The following NPTXR variants were observed in gnomAD, a reference collection of about 807,000 sequenced individuals.
NPTXR encodes the protein neuronal pentraxin receptor.
Under a neutral mutation model 32.2 loss-of-function variants are expected in NPTXR, and 12 were observed. The observed-to-expected ratio is 0.37, with a 90% CI of 0.24 to 0.60. The LOEUF (loss-of-function observed/expected upper bound fraction) is 0.60. Ranked by LOEUF, NPTXR falls within the 20% of genes least tolerant of loss-of-function variation. NPTXR has a pLI of 0.66. For missense variants in NPTXR, 612 were observed against 682.9 expected (o/e 0.90, Z 1.16); for synonymous variants, 323 against 315.8 (o/e 1.02, Z -0.24).
rs2093092058 is a variant in NPTXR, at chr22:38,818,884, C to G, written c.*3725G>C. On this transcript the variant is annotated 3_prime_UTR_variant, in exon 5 of 5. Coordinates refer to ENST00000333039, the MANE Select transcript of NPTXR (RefSeq NM_014293.4). The surrounding 1 kb of genome is among the most constrained non-coding windows in gnomAD (Gnocchi z 4.5). ...CACACAAAGGAGGGGGGACTCAGTG[C>G]TGGGGAGAGGCTGCTGCGTCCTAGA... 6.6e-6 allele frequency: 1 copy of G among 152,580 alleles called. No homozygotes were observed. 9.5% of individuals were successfully genotyped at this position (152,580 alleles called of 1,614,324 possible). A position where few individuals can be genotyped will look rare whatever the true frequency, so the allele number is the denominator to read the frequency against.
chr22:38,843,423 C>T lies in NPTXR; in HGVS notation c.436G>A (p.Ala146Thr). The T allele has an allele frequency of 7.2e-7, 1 of 1,389,008 alleles. No individual in the cohort carries two copies. The allele number at this position is 1,389,008 out of a possible 1,614,324, so 86.0% of individuals were successfully genotyped here. A position where few individuals can be genotyped will look rare whatever the true frequency, so the allele number is the denominator to read the frequency against. ...AGCTCACGGATGGTGTCCTGGTCGGCGCGGATGCGCGCCTCCTGCTGCAGC... is the reference window on the plus strand; with the variant it reads ...AGCTCACGGATGGTGTCCTGGTCGGTGCGGATGCGCGCCTCCTGCTGCAGC... Residue 146 changes from alanine to threonine, a missense_variant, in exon 1 of 5, where the codon GCC becomes ACC. Coordinates refer to ENST00000333039, the MANE Select transcript of NPTXR (RefSeq NM_014293.4). The surrounding 1 kb of genome is among the most constrained non-coding windows in gnomAD (Gnocchi z 5.3).
At chr22:38,826,428 G>T in intron 3 of NPTXR, 72 bp downstream of exon 3, 1 of 1,508,172 alleles carries the variant, frequency 6.6e-7, no homozygotes, top group Non-Finnish European at 9.0e-7. Flanking sequence ...GAATGAAAGA[G>T]CCCAGTGTGG....
In NPTXR at chr22:38,822,447, G is replaced by A; in HGVS notation, c.*162C>T. On this transcript the variant is annotated 3_prime_UTR_variant, in exon 5 of 5. Transcript: ENST00000333039. ...GGACAGGGGACACACTCGCAGGGCA[G>A]GGCATTCTGGAGGTGTGGGTACAGG... 3.1e-6 allele frequency: 2 copies of A among 646,810 alleles called. No homozygotes were observed. The allele number at this position is 646,810 out of a possible 1,614,324, so 40.1% of individuals were successfully genotyped here. A position where few individuals can be genotyped will look rare whatever the true frequency, so the allele number is the denominator to read the frequency against.
chr22:38,826,392 T>C, intron 3 of NPTXR, 108 bp downstream of exon 3: 2 of 1,323,542 alleles, frequency 1.5e-6, no homozygotes, highest in South Asian at 2.8e-5. Context: ...GTGTGCTGAA[T>C]ATGCAGAGCA....
rs1326902111 is a variant in NPTXR, at chr22:38,843,349, C to A, written c.510G>T (p.Gln170His). 1 of 1,412,258 alleles carries A rather than the reference C, an allele frequency of 7.1e-7. No homozygotes were observed. The highest frequency in any genetic ancestry group is 9.2e-7 in the Non-Finnish European group (1 of 1,090,830). The allele number at this position is 1,412,258 out of a possible 1,614,324, so 87.5% of individuals were successfully genotyped here. The change falls in exon 1 of 5, where the codon CAG becomes CAT. Residue 170 changes from glutamine (Q) to histidine (H), a missense_variant. Gln to His is a conservative substitution (Grantham distance 24). Coordinates refer to ENST00000333039, the MANE Select transcript of NPTXR (RefSeq NM_014293.4). This position sits in a 1 kb window ranked among gnomAD's most constrained non-coding sequence, Gnocchi z 5.3. ...TGGTGTCGCGGCGGGGCCCGGCGCC[C>A]TGGAGGCCGCGCGGCAGGCCGCTCT... is the stretch of plus-strand genomic sequence containing the variant.
chr22:38,827,819 G>T (rs1374394810), intron 2 of NPTXR, among the ~76,000 whole-genome samples: 1 of 152,176 alleles, frequency 6.6e-6, no homozygotes, highest in Non-Finnish European at 1.5e-5. Flanking sequence ...CCTGTACCCT[G>T]CCCATTATGT....
intron 1 of NPTXR, among the ~76,000 whole-genome samples, chr22:38,836,074 T>G (rs910359054): frequency 1.3e-5 from 2 of 152,014 alleles, no homozygotes; most frequent in African/African-American, 2.4e-5. Context: ...ATCAGAGCAA[T>G]ACAAATTAAA....
At chr22:38,826,389 G>T in intron 3 of NPTXR, 111 bp downstream of exon 3, 1 of 1,306,678 alleles carries the variant, frequency 7.7e-7, no homozygotes, top group Non-Finnish European at 1.1e-6. Context: ...AATGTGTGCT[G>T]AATATGCAGA....
chr22:38,823,901 G>A (rs1273241953), intron 3 of NPTXR, among the ~76,000 whole-genome samples: 2 of 152,202 alleles, frequency 1.3e-5, no homozygotes, highest in African/African-American at 4.8e-5. Flanking sequence ...GTTAGAGCTG[G>A]CCTGTAAGAT....
At position 38,843,161 on chromosome 22, in the gene NPTXR, G is replaced by C. The variant is rs995113591; in HGVS notation, c.624+74C>G. 1 of 1,225,146 alleles carries C rather than the reference G, an allele frequency of 8.2e-7. No individual in the cohort carries two copies. The highest frequency in any genetic ancestry group is 1.0e-6 in the Non-Finnish European group (1 of 977,010). 75.9% of individuals were successfully genotyped at this position (1,225,146 alleles called of 1,614,324 possible). A position where few individuals can be genotyped will look rare whatever the true frequency, so the allele number is the denominator to read the frequency against. On this transcript the variant is annotated intron_variant, in intron 1 of 4. Coordinates refer to ENST00000333039, the MANE Select transcript of NPTXR (RefSeq NM_014293.4). This position sits in a 1 kb window ranked among gnomAD's most constrained non-coding sequence, Gnocchi z 5.3. Reference sequence around the variant, plus strand: ...ACAGACGGGAGACCGGAGGCTCGGGGACCGCCGGACGACCGCGGCCGGGCG... The same window carrying C: ...ACAGACGGGAGACCGGAGGCTCGGGCACCGCCGGACGACCGCGGCCGGGCG...
At chr22:38,832,668 CT>C (rs940440727) in intron 1 of NPTXR, among the ~76,000 whole-genome samples, 4 of 152,348 alleles carry the variant, frequency 2.6e-5, no homozygotes, top group African/African-American at 9.6e-5. Flanking sequence ...GATGAGGGAA[CT>C]GAGGCTCAGT....
In NPTXR at chr22:38,834,315, T is replaced by C. The variant is rs2093120784; in HGVS notation, c.625-5803A>G. ...CTCCCTGCCAATAAAGTCCCTGTCC[T>C]CCTGGCTTCAGCCCTTACCCCGACA... is the stretch of plus-strand genomic sequence containing the variant. On this transcript the variant is annotated intron_variant, in intron 1 of 4. Coordinates refer to ENST00000333039, the MANE Select transcript of NPTXR (RefSeq NM_014293.4). This position sits in a 1 kb window ranked among gnomAD's most constrained non-coding sequence, Gnocchi z 4.4. 6.6e-6 allele frequency among the ~76,000 whole-genome samples: 1 copy of C among 152,140 alleles called. No individual in the cohort carries two copies. The highest frequency in any genetic ancestry group is 1.5e-5 in the Non-Finnish European group (1 of 68,022).
rs139991107 is a variant in NPTXR at position 38,830,883 on chromosome 22, A to AC, written c.625-2372dup. The stretch of plus-strand genomic sequence containing the variant: ...GGGGGGACTCTGGCCACCATTATCC[A>AC]CCCCCCCCACCTCTTGTGTAAGAGG... On this transcript the variant is annotated intron_variant, in intron 1 of 4. Coordinates refer to ENST00000333039, the MANE Select transcript of NPTXR (RefSeq NM_014293.4). Among the ~76,000 whole-genome samples the AC allele has an allele frequency of 5.8e-3, 862 of 148,432 alleles. 3 individuals are homozygous for AC. The highest frequency in any genetic ancestry group is 0.028 in the Middle Eastern group (8 of 288).
At chr22:38,825,804 C>T (rs149133487) in intron 3 of NPTXR, among the ~76,000 whole-genome samples, 1,618 of 151,856 alleles carry the variant, frequency 0.011, 9 homozygotes, top group Non-Finnish European at 0.019. Flanking sequence ...TCCCTCCATC[C>T]CCAGGTAGGT....
intron 3 of NPTXR, among the ~76,000 whole-genome samples, chr22:38,825,401 A>G (rs1225192094): frequency 6.6e-6 from 1 of 152,118 alleles, no homozygotes; most frequent in Non-Finnish European, 1.5e-5. Context: ...CCTACTTCCC[A>G]GTGCTGTTGG....
chr22:38,832,559 G>A (rs201112238), intron 1 of NPTXR, among the ~76,000 whole-genome samples: 3 of 152,186 alleles, frequency 2.0e-5, no homozygotes, highest in Admixed American at 1.3e-4. Flanking sequence ...TGTCTCCATC[G>A]AGCACTCGCT....
rs200891254 is a variant in NPTXR at position 38,838,573 on chromosome 22, A to ACT, written c.624+4661_624+4662insAG. On this transcript the variant is annotated intron_variant, in intron 1 of 4. Transcript: ENST00000333039. ...GCACAGGCACCGCCCTCACCTGGCTATTTTTTTTTTTTTTTTTTTTTTTTT... is the reference window on the plus strand; with the variant it reads ...GCACAGGCACCGCCCTCACCTGGCTACTTTTTTTTTTTTTTTTTTTTTTTTTT... 4.8e-5 allele frequency among the ~76,000 whole-genome samples: 4 copies of ACT among 83,204 alleles called. 1 individual carries two copies. Among genetic ancestry groups the ACT allele is most frequent in the African/African-American group, 1.1e-4 (2 of 18,546 alleles). 54.6% of individuals were successfully genotyped at this position (83,204 alleles called of 152,430 possible). A position where few individuals can be genotyped will look rare whatever the true frequency, so the allele number is the denominator to read the frequency against.
In NPTXR at chr22:38,830,257, C is replaced by T. The variant is rs13055294; in HGVS notation, c.625-1745G>A. On this transcript the variant is annotated intron_variant, in intron 1 of 4. Coordinates refer to ENST00000333039, the MANE Select transcript of NPTXR (RefSeq NM_014293.4). ...TTTCCCCTTCTATAAGATGGAGACA[C>T]GGAATGCTCAGCCTCCAGGGCTGGC... Among the ~76,000 whole-genome samples the T allele has an allele frequency of 4.0e-3, 605 of 152,212 alleles. 3 individuals carry two copies. The highest frequency in any genetic ancestry group is 7.8e-3 in the Admixed American group (120 of 15,294).
At position 38,823,389 on chromosome 22, in the gene NPTXR, T is replaced by G. The variant is rs1326444990; in HGVS notation, c.1099-127A>C. ...CAGGGCCCGACCCCAGGCCTGACCC[T>G]CTCCATCCTCCTGCCCAGTGTCTTT... On this transcript the variant is annotated intron_variant, in intron 3 of 4. Coordinates refer to ENST00000333039, the MANE Select transcript of NPTXR (RefSeq NM_014293.4). 21 of 741,594 alleles carry G rather than the reference T, an allele frequency of 2.8e-5. 1 individual carries two copies. Among genetic ancestry groups the G allele is most frequent in the South Asian group, 1.8e-4 (10 of 56,158 alleles). 45.9% of individuals were successfully genotyped at this position (741,594 alleles called of 1,614,324 possible).
Sources: allele counts gnomAD v4.1 joint callset (sites outside exome capture counted in the v4.1 genomes callset), GRCh38; gene constraint gnomAD v4.1.1; non-coding constraint Gnocchi (gnomAD v3.1); transcripts MANE v1.5; gene names NCBI Gene and HGNC (gene_info 2026-07-23, HGNC 2026-07-21).